Variants in ANKRD35 observed in about 807,000 individuals in gnomAD.
The protein encoded by ANKRD35 is ankyrin repeat domain 35.
ANKRD35 carries 102 observed loss-of-function variants against 109.9 expected under a neutral mutation model. The observed-to-expected ratio is 0.93, with a 90% CI of 0.79 to 1.09. ANKRD35 has a LOEUF of 1.09. Among genes scored for constraint, ANKRD35 ranks in the 50% least tolerant of loss-of-function variants. The pLI, the probability that ANKRD35 is intolerant of heterozygous loss-of-function variation, is 0.00. For missense variants in ANKRD35, 1,240 were observed against 1,230.1 expected, an observed-to-expected ratio of 1.01 and a Z score of -0.12; for synonymous variants, 515 against 512.4, an observed-to-expected ratio of 1.01 and a Z score of -0.07.
intron 7 of ANKRD35, 29 bp from the exon 8 acceptor site, chr1:145,875,035 A>T (rs782333022): frequency 3.2e-6 from 5 of 1,556,160 alleles, no homozygotes; most frequent in Non-Finnish European, 4.4e-6. Context: ...CTGAGCACAG[A>T]CTTTCCACAT....
At chr1:145,867,190 C>T in intron 13 of ANKRD35, 97 bp downstream of exon 13, 1 of 795,552 alleles carries the variant, frequency 1.3e-6, no homozygotes. Flanking sequence ...CATTGTCAGC[C>T]ACCACGGGGG....
chr1:145,869,530 C>T (rs1381194038), intron 10 of ANKRD35, among the ~76,000 whole-genome samples: 3 of 151,866 alleles, frequency 2.0e-5, no homozygotes, highest in Non-Finnish European at 2.9e-5. Context: ...GGCTGGAGTG[C>T]AGTGATGTGA....
rs964648548 is a variant in ANKRD35, at chr1:145,876,369, C to T, written c.454-123G>A. 12 of 1,154,486 alleles carry T rather than the reference C, an allele frequency of 1.0e-5. No homozygotes were observed. In the Middle Eastern group the frequency reaches 6.9e-4, roughly 67 times the overall value. The allele number at this position is 1,154,486 out of a possible 1,614,324, so 71.5% of individuals were successfully genotyped here. A position where few individuals can be genotyped will look rare whatever the true frequency, so the allele number is the denominator to read the frequency against. ...TAAAAGCCCAGATCTTGGGTCTGAA[C>T]ACTCCCTTTTGGAGGGTTAGAAGCT... On this transcript the variant is annotated intron_variant, in intron 6 of 13. Coordinates refer to ENST00000355594, the MANE Select transcript of ANKRD35 (RefSeq NM_144698.5).
At chr1:145,869,077 C>T (rs1217667246) in intron 10 of ANKRD35, among the ~76,000 whole-genome samples, 3 of 151,556 alleles carry the variant, frequency 2.0e-5, no homozygotes, top group Non-Finnish European at 4.4e-5. Flanking sequence ...AAAAAAGCTG[C>T]TATCCAATAT....
intron 10 of ANKRD35, among the ~76,000 whole-genome samples, chr1:145,870,001 A>G (rs1553738314): frequency 6.6e-6 from 1 of 152,178 alleles, no homozygotes; most frequent in African/African-American, 2.4e-5. Context: ...AAATGCAGTT[A>G]ATGGTAACTA....
In ANKRD35 at chr1:145,873,227, T is replaced by C. The variant is rs782671643; in HGVS notation, c.1542A>G (p.Ser514=). ...REKDAARGAL[S]RPVMEGALGT... Reference sequence around the variant, plus strand: ...CCAGGGCTCCCTCCATGACCGGTCTTGACAAAGCCCCCCGGGCAGCATCCT... The same window carrying C: ...CCAGGGCTCCCTCCATGACCGGTCTCGACAAAGCCCCCCGGGCAGCATCCT... Residue 514 remains serine (S), a synonymous_variant, in exon 10 of 14, where the codon TCA becomes TCG. Coordinates refer to ENST00000355594, the MANE Select transcript of ANKRD35 (RefSeq NM_144698.5). 6.2e-6 allele frequency: 10 copies of C among 1,613,866 alleles called. No homozygotes were observed. Among genetic ancestry groups the C allele is most frequent in the Non-Finnish European group, 8.5e-6 (10 of 1,179,978 alleles).
intron 7 of ANKRD35, 142 bp from the exon 8 acceptor site, chr1:145,875,148 TC>T: frequency 5.7e-6 from 4 of 696,722 alleles, no homozygotes; most frequent in Non-Finnish European, 4.3e-6. Flanking sequence ...ACTAGACTTC[TC>T]TTTTTTTTTT....
chr1:145,872,207 CT>C lies in ANKRD35; in HGVS notation c.2561del (p.Lys854ArgfsTer59). On this transcript the variant is annotated frameshift_variant, in exon 10 of 14. Transcript: ENST00000355594. LOFTEE classifies it high-confidence loss of function. ...AQAQAWGQEL[K>X]ALLEKYNTAC... ...CCGTATTATACTTTTCCAACAGAGC[CT>C]TTAGCTCCTGGCCCCAAGCCTGAGC... The C allele has an allele frequency of 6.2e-7, 1 of 1,609,898 alleles. No homozygotes were observed. The highest frequency in any genetic ancestry group is 2.2e-5 in the East Asian group (1 of 44,782).
intron 1 of ANKRD35, among the ~76,000 whole-genome samples, chr1:145,883,281 C>T (rs1158183067): frequency 1.3e-5 from 2 of 151,994 alleles, no homozygotes; most frequent in African/African-American, 4.8e-5. Context: ...GATAGGGTAT[C>T]GCCATGTTGG....
intron 2 of ANKRD35, 38 bp downstream of exon 2, chr1:145,879,220 G>T: frequency 6.5e-7 from 1 of 1,528,014 alleles, no homozygotes; most frequent in South Asian, 1.3e-5. Context: ...TCAAAAGGGA[G>T]CCACATGTAA....
chr1:145,874,870 C>T lies in ANKRD35; in HGVS notation c.697G>A (p.Ala233Thr). Residue 233 changes from alanine (A) to threonine (T), a missense_variant, in exon 8 of 14, where the codon GCA becomes ACA. Ala to Thr is a moderately conservative substitution (Grantham distance 58). Transcript: ENST00000355594. Reference sequence around the variant, plus strand: ...GCCTGCTGTAGGTGCCTCCACAGTGCCTTGTCTTGTGTGTGCAGAGCATAG... The same window carrying T: ...GCCTGCTGTAGGTGCCTCCACAGTGTCTTGTCTTGTGTGTGCAGAGCATAG... ...LHYALHTQDK[A>T]LWRHLQQALS... The T allele has an allele frequency of 6.2e-7, 1 of 1,612,610 alleles. No homozygotes were observed. The highest frequency in any genetic ancestry group is 2.2e-5 in the East Asian group (1 of 44,790).
intron 10 of ANKRD35, among the ~76,000 whole-genome samples, chr1:145,869,610 G>A (rs989394572): frequency 1.3e-5 from 2 of 152,072 alleles, no homozygotes; most frequent in Non-Finnish European, 2.9e-5. Context: ...CACAGGAACA[G>A]GCACATGCCA....
At chr1:145,875,761 G>A (rs1420910582) in intron 7 of ANKRD35, among the ~76,000 whole-genome samples, 2 of 151,604 alleles carry the variant, frequency 1.3e-5, no homozygotes, top group Admixed American at 6.6e-5. Context: ...TTTTAGCTAG[G>A]ATGGTCTCAA....
rs1241185732 is a variant in ANKRD35, at chr1:145,885,753, C to T, written c.6G>A (p.Lys2=). Residue 2 remains lysine, a synonymous_variant, in exon 1 of 14, where the codon AAG becomes AAA. Transcript: ENST00000355594. ...GTGTGCTGGAGCAGGAGAAGATACG[C>T]TTCATGGCCGGGGTCGGGGCCACGG... The part of the protein sequence containing the change: M[K]RIFSCSSTQV... 1.2e-6 allele frequency: 2 copies of T among 1,613,918 alleles called. No homozygotes were observed. The highest frequency in any genetic ancestry group is 2.7e-5 in the African/African-American group (2 of 74,916).
At position 145,879,258 on chromosome 1, in the gene ANKRD35, G is replaced by A. The variant is rs376327239; in HGVS notation, c.170C>T (p.Pro57Leu). Reference protein sequence around the residue: ...PTKLDSNGQSPFHLAASKGLT... With the variant: ...PTKLDSNGQSLFHLAASKGLT... Reference sequence around the variant, plus strand: ...GGCAGGGGCAGGAGGACTGACTTACGGGGACTGGCCATTCGAGTCAAGCTT... The same window carrying A: ...GGCAGGGGCAGGAGGACTGACTTACAGGGACTGGCCATTCGAGTCAAGCTT... Residue 57 changes from proline to leucine, a missense_variant and splice_region_variant, in exon 2 of 14, where the codon CCG (proline) becomes CTG (leucine). Coordinates refer to ENST00000355594, the MANE Select transcript of ANKRD35 (RefSeq NM_144698.5). 1.4e-5 allele frequency: 23 copies of A among 1,603,074 alleles called. No individual in the cohort carries two copies. Among genetic ancestry groups the A allele is most frequent in the Middle Eastern group, 1.7e-4 (1 of 6,040 alleles).
intron 1 of ANKRD35, among the ~76,000 whole-genome samples, chr1:145,885,484 G>T (rs2101722849): frequency 6.6e-6 from 1 of 151,222 alleles, no homozygotes; most frequent in Admixed American, 6.6e-5. Flanking sequence ...ATGCTAGGAG[G>T]ACAAGAAAGG....
At position 145,872,791 on chromosome 1, in the gene ANKRD35, G is replaced by A; in HGVS notation, c.1978C>T (p.Pro660Ser). Residue 660 changes from proline to serine, a missense_variant, in exon 10 of 14, where the codon CCA becomes TCA. Physicochemically the swap from Pro to Ser is moderately conservative, Grantham distance 74. Transcript: ENST00000355594. ...TGCTGTAGCTGGACCTGCGCCTGTG[G>A]CTTGGGCACAAACTCCCGCTGCAGC... ...QRLQREFVPK[P>S]QAQVQLQQLR... 6.2e-7 allele frequency: 1 copy of A among 1,614,014 alleles called. No homozygotes were observed. The highest frequency in any genetic ancestry group is 8.5e-7 in the Non-Finnish European group (1 of 1,179,964).
At position 145,876,234 on chromosome 1, in the gene ANKRD35, G is replaced by T. The variant is rs1654067340; in HGVS notation, c.466C>A (p.Pro156Thr). 3 of 1,613,560 alleles carry T rather than the reference G, an allele frequency of 1.9e-6. No individual in the cohort carries two copies. Among genetic ancestry groups the T allele is most frequent in the Non-Finnish European group, 2.5e-6 (3 of 1,179,756 alleles). Residue 156 changes from proline to threonine, a missense_variant, in exon 7 of 14, where the codon CCC (proline) becomes ACC (threonine). Physicochemically the swap from Pro to Thr is conservative, Grantham distance 38. Coordinates refer to ENST00000355594, the MANE Select transcript of ANKRD35 (RefSeq NM_144698.5). Reference sequence around the variant, plus strand: ...CCACCCAGCGATGCGATCATCAGGGGTGTACGTCCATCCTGCACAGATTGT... The same window carrying T: ...CCACCCAGCGATGCGATCATCAGGGTTGTACGTCCATCCTGCACAGATTGT... The part of the protein sequence containing the change: ...LDVLDNDGRT[P>T]LMIASLGGHA...
At chr1:145,874,642 T>C (rs1487487367) in intron 8 of ANKRD35, among the ~76,000 whole-genome samples, 180 bp downstream of exon 8, 3 of 152,202 alleles carry the variant, frequency 2.0e-5, no homozygotes, top group South Asian at 2.1e-4. Flanking sequence ...TTAAAGAATT[T>C]TGTGATCATA....
Sources: gnomAD v4.1 joint callset for allele counts (sites outside exome capture counted in the v4.1 genomes callset) on GRCh38, gnomAD v4.1.1 for gene constraint, MANE v1.5 for transcripts, NCBI Gene and HGNC (gene_info 2026-07-23, HGNC 2026-07-21) for gene names.